The following NFYA variants were observed in gnomAD, a reference collection of about 807,000 sequenced individuals.
NFYA encodes the protein CAAT-box DNA binding protein subunit A.
A neutral mutation model predicts 52.8 loss-of-function variants in NFYA; 28 were observed. The ratio of observed to expected loss-of-function variants is 0.53; its 90% CI spans 0.39 to 0.73. NFYA has a LOEUF of 0.73. Among genes scored for constraint, NFYA ranks in the 30% least tolerant of loss-of-function variants. NFYA has a pLI of 0.00. For missense variants in NFYA, 234 were observed against 427.0 expected, an observed-to-expected ratio of 0.55 and a Z score of 3.98; for synonymous variants, 150 against 150.7, an observed-to-expected ratio of 1.00 and a Z score of 0.03.
Position 41,077,895 on chromosome 6 carries a change from G to A in NFYA, c.-61-1134G>A, listed in dbSNP as rs975485854. 7.2e-5 allele frequency among the ~76,000 whole-genome samples: 11 copies of A among 152,024 alleles called. 1 individual carries two copies. On this transcript the variant is annotated intron_variant, in intron 1 of 9. Transcript: ENST00000341376. ...TTTATGGCTCATAGATTCTTATGTT[G>A]TATCCATTTTGGTTATGAGTAATGG...
chr6:41,080,680 ATAGGGAGTCTG>A, intron 2 of NFYA, 120 bp from the exon 3 acceptor site: 1 of 663,866 alleles, frequency 1.5e-6, no homozygotes, highest in African/African-American at 1.8e-5. Context: ...CAGCTTCAAT[ATAGGGAGTCTG>A]TACATTTTGA....
chr6:41,100,270 C>T lies in NFYA; in HGVS notation c.*2860C>T, dbSNP rs191488151. Among the ~76,000 whole-genome samples the T allele has an allele frequency of 3.2e-4, 49 of 152,188 alleles. No homozygotes were observed. Among genetic ancestry groups the T allele is most frequent in the East Asian group, 1.5e-3 (8 of 5,182 alleles). ...AAGTAATTCCATGAGGAAAATTAGC[C>T]GTTATCACAAAAACAGCCTTAAGTA... On this transcript the variant is annotated 3_prime_UTR_variant, in exon 10 of 10. Coordinates refer to ENST00000341376, the MANE Select transcript of NFYA (RefSeq NM_002505.5).
chr6:41,092,077 C>CA (rs533265833), intron 7 of NFYA, among the ~76,000 whole-genome samples: 7 of 149,878 alleles, frequency 4.7e-5, no homozygotes, highest in African/African-American at 1.5e-4. Flanking sequence ...ATAGAGAAAC[C>CA]AAAAAAAAAG....
At chr6:41,094,685 T>C (rs148561101) in intron 9 of NFYA, among the ~76,000 whole-genome samples, 188 bp downstream of exon 9, 1 of 152,270 alleles carries the variant, frequency 6.6e-6, no homozygotes, top group Non-Finnish European at 1.5e-5. Flanking sequence ...TGGTGGCTCA[T>C]GCCTGTAATC....
At chr6:41,081,567 G>A (rs778921275) in intron 3 of NFYA, among the ~76,000 whole-genome samples, 8 of 152,020 alleles carry the variant, frequency 5.3e-5, no homozygotes, top group Non-Finnish European at 1.0e-4. Flanking sequence ...GTGTATTTGT[G>A]TTACAATGGA....
At position 41,102,103 on chromosome 6, in the gene NFYA, A is replaced by T. The variant is rs1764516362; in HGVS notation, c.*4693A>T. On this transcript the variant is annotated 3_prime_UTR_variant, in exon 10 of 10. Coordinates refer to ENST00000341376, the MANE Select transcript of NFYA (RefSeq NM_002505.5). ...CATATCTTCAGTTATTACATTAGTGACATCGTGGAGCGTGAGTGATCATTG... is the reference window on the plus strand; with the variant it reads ...CATATCTTCAGTTATTACATTAGTGTCATCGTGGAGCGTGAGTGATCATTG... 1 of 152,250 alleles carries T rather than the reference A, an allele frequency of 6.6e-6. No homozygotes were observed. The highest frequency in any genetic ancestry group is 6.5e-5 in the Admixed American group (1 of 15,286). 9.4% of individuals were successfully genotyped at this position (152,250 alleles called of 1,614,324 possible).
intron 7 of NFYA, 90 bp downstream of exon 7, chr6:41,091,784 G>A: frequency 6.9e-7 from 1 of 1,441,276 alleles, no homozygotes; most frequent in South Asian, 1.3e-5. Context: ...TGACCTCTTG[G>A]GATTGAGATC....
intron 8 of NFYA, among the ~76,000 whole-genome samples, chr6:41,093,855 G>A (rs1029946129): frequency 6.6e-6 from 1 of 152,172 alleles, no homozygotes; most frequent in African/African-American, 2.4e-5. Context: ...CACCTAACAT[G>A]CAGATAAGGC....
chr6:41,093,383 C>G (rs921801837), intron 8 of NFYA, among the ~76,000 whole-genome samples: 9 of 152,136 alleles, frequency 5.9e-5, no homozygotes, highest in African/African-American at 2.2e-4. Context: ...TGTTTCACTG[C>G]TTTAATATTG....
rs371664395 is a variant in NFYA at position 41,080,928 on chromosome 6, T to C, written c.162+31T>C. The C allele has an allele frequency of 3.9e-6, 6 of 1,544,728 alleles. No individual in the cohort carries two copies. In the African/African-American group the frequency reaches 8.2e-5, roughly 21 times the overall value. On this transcript the variant is annotated intron_variant, in intron 3 of 9. Transcript: ENST00000341376. The stretch of plus-strand genomic sequence containing the variant: ...ACCCTCTCTGATTCTCTGTGAGCAC[T>C]GCATGAACTTCTCCTCTCCTCATGT...
Position 41,100,853 on chromosome 6 carries a change from C to T in NFYA, c.*3443C>T, listed in dbSNP as rs940264037. On this transcript the variant is annotated 3_prime_UTR_variant, in exon 10 of 10. Transcript: ENST00000341376. ...CCCCTTCTCCCCGGGGAAGTAGGCC[C>T]CGCTAAGAATGTGGGAAGGTGGTGG... Among the ~76,000 whole-genome samples the T allele has an allele frequency of 4.6e-5, 7 of 152,256 alleles. No individual in the cohort carries two copies. The highest frequency in any genetic ancestry group is 2.4e-5 in the African/African-American group (1 of 41,468).
At chr6:41,073,659 G>A (rs1454215446) in intron 1 of NFYA, among the ~76,000 whole-genome samples, 1 of 152,018 alleles carries the variant, frequency 6.6e-6, no homozygotes, top group Non-Finnish European at 1.5e-5. Flanking sequence ...CGCGGCCGCG[G>A]GGTCCCGTGT....
Position 41,098,255 on chromosome 6 carries a change from C to G in NFYA, c.*845C>G, listed in dbSNP as rs892792461. ...CTATTCAACAACTTCTTTGCTGAAG[C>G]ACTGAGGAGATTTGTAATACTCCTA... On this transcript the variant is annotated 3_prime_UTR_variant, in exon 10 of 10. Coordinates refer to ENST00000341376, the MANE Select transcript of NFYA (RefSeq NM_002505.5). 3.3e-5 allele frequency: 5 copies of G among 152,580 alleles called. No homozygotes were observed. Among genetic ancestry groups the G allele is most frequent in the Non-Finnish European group, 7.3e-5 (5 of 68,050 alleles). The allele number at this position is 152,580 out of a possible 1,614,324, so 9.5% of individuals were successfully genotyped here. A position where few individuals can be genotyped will look rare whatever the true frequency, so the allele number is the denominator to read the frequency against.
At chr6:41,097,079 A>C (rs964421283) in intron 9 of NFYA, among the ~76,000 whole-genome samples, 3 of 152,224 alleles carry the variant, frequency 2.0e-5, no homozygotes, top group Non-Finnish European at 4.4e-5. Context: ...ATAGAGAACA[A>C]CACAAGGTTC....
In NFYA at chr6:41,079,086, G is replaced by C; in HGVS notation, c.-4G>C. On this transcript the variant is annotated 5_prime_UTR_variant, in exon 2 of 10. Coordinates refer to ENST00000341376, the MANE Select transcript of NFYA (RefSeq NM_002505.5). ...AGTGGACAGGAATCTCACTTGGAGG[G>C]ACCATGGAGCAGTATACAGCAAACA... 1.9e-6 allele frequency: 3 copies of C among 1,614,000 alleles called. No homozygotes were observed. The highest frequency in any genetic ancestry group is 2.5e-6 in the Non-Finnish European group (3 of 1,179,878).
chr6:41,089,391 C>G (rs989521279), intron 4 of NFYA, among the ~76,000 whole-genome samples, 188 bp from the exon 5 acceptor site: 1 of 152,202 alleles, frequency 6.6e-6, no homozygotes, highest in Non-Finnish European at 1.5e-5. Flanking sequence ...CAGACAGTGT[C>G]GAAATTCCCT....
intron 2 of NFYA, among the ~76,000 whole-genome samples, chr6:41,079,520 C>G (rs1158326369): frequency 6.6e-6 from 1 of 152,212 alleles, no homozygotes; most frequent in Non-Finnish European, 1.5e-5. Context: ...AACAGACAAA[C>G]CAACATAGCT....
At chr6:41,078,020 A>C (rs1179167314) in intron 1 of NFYA, among the ~76,000 whole-genome samples, 1 of 152,164 alleles carries the variant, frequency 6.6e-6, no homozygotes, top group African/African-American at 2.4e-5. Context: ...TTATTCTAGA[A>C]ATAAGAATTT....
chr6:41,088,797 G>A (rs924115059), intron 4 of NFYA, among the ~76,000 whole-genome samples: 2 of 152,108 alleles, frequency 1.3e-5, no homozygotes, highest in Middle Eastern at 3.4e-3. Context: ...TGTTGCCCAG[G>A]CTGGTCTCGA....
Sources: allele counts gnomAD v4.1 joint callset (sites outside exome capture counted in the v4.1 genomes callset), GRCh38; gene constraint gnomAD v4.1.1; transcripts MANE v1.5; gene names NCBI Gene and HGNC (gene_info 2026-07-23, HGNC 2026-07-21).